NOS1AP: variants seen among roughly 807,000 people sequenced by gnomAD.
The protein encoded by NOS1AP is nitric oxide synthase 1 adaptor protein.
In NOS1AP, 21 loss-of-function variants were observed where a neutral mutation model predicts 56.2. That is an observed-to-expected ratio of 0.37 (90% CI 0.26 to 0.54). NOS1AP has a LOEUF of 0.54. Among genes scored for constraint, NOS1AP ranks in the 20% least tolerant of loss-of-function variants. The pLI, the probability that NOS1AP is intolerant of heterozygous loss-of-function variation, is 0.84. For missense variants in NOS1AP, 522 were observed against 657.8 expected, an observed-to-expected ratio of 0.79 and a Z score of 2.26; for synonymous variants, 270 against 274.6, an observed-to-expected ratio of 0.98 and a Z score of 0.17.
rs879114532 is a variant in NOS1AP at position 162,367,448 on chromosome 1, A to G, written c.1502A>G (p.Asp501Gly). The G allele has an allele frequency of 7.7e-6, 12 of 1,568,410 alleles. No individual in the cohort carries two copies. The highest frequency in any genetic ancestry group is 9.5e-6 in the Non-Finnish European group (11 of 1,153,476). The change falls in exon 10 of 10, where the codon GAT (aspartate) becomes GGT (glycine). Residue 501 changes from aspartate to glycine, a missense_variant. Around this residue, in one of 4 missense-constraint regions of NOS1AP, gnomAD observed 160 missense variants for 180.3 expected, o/e 0.89. Transcript: ENST00000361897. This position sits in a 1 kb window ranked among gnomAD's most constrained non-coding sequence, Gnocchi z 6.5. ...AGGCAGGAACTGGGCGACGGCCTGG[A>G]TGATGAGATCGCCGTGTAGGTGCCG... is the stretch of plus-strand genomic sequence containing the variant. Reference protein sequence around the residue: ...LQRQELGDGLDDEIAV With the variant: ...LQRQELGDGLGDEIAV
At chr1:162,141,387 G>A (rs1339574148) in intron 1 of NOS1AP, among the ~76,000 whole-genome samples, 2 of 152,206 alleles carry the variant, frequency 1.3e-5, no homozygotes, top group Admixed American at 6.5e-5. Context: ...GGATACCTGG[G>A]TCATAGCCTC....
intron 2 of NOS1AP, among the ~76,000 whole-genome samples, chr1:162,265,839 A>G (rs1025152217): frequency 2.0e-5 from 3 of 152,202 alleles, no homozygotes; most frequent in African/African-American, 7.2e-5. Context: ...CTTACACAAG[A>G]TAGAAGTTTC....
At chr1:162,353,296 T>C (rs961048322) in intron 6 of NOS1AP, among the ~76,000 whole-genome samples, 4 of 152,184 alleles carry the variant, frequency 2.6e-5, no homozygotes, top group African/African-American at 9.7e-5. Flanking sequence ...GTCAGGTCCC[T>C]CCCTACGGGA....
At chr1:162,275,239 G>C (rs1405733079) in intron 2 of NOS1AP, among the ~76,000 whole-genome samples, 1 of 152,116 alleles carries the variant, frequency 6.6e-6, no homozygotes, top group Non-Finnish European at 1.5e-5. Context: ...GAGTGCAGTT[G>C]TACGATCTTG....
chr1:162,300,163 GC>G (rs1655597179), intron 3 of NOS1AP, among the ~76,000 whole-genome samples: 1 of 152,046 alleles, frequency 6.6e-6, no homozygotes, highest in Non-Finnish European at 1.5e-5. Context: ...GACCCTAATG[GC>G]CCCCCACACT....
At chr1:162,252,498 A>T (rs1653897559) in intron 2 of NOS1AP, among the ~76,000 whole-genome samples, 1 of 152,220 alleles carries the variant, frequency 6.6e-6, no homozygotes, top group Non-Finnish European at 1.5e-5. Context: ...CATGCAGTAG[A>T]AATTCAGGCT....
intron 1 of NOS1AP, among the ~76,000 whole-genome samples, chr1:162,072,714 C>T (rs1053991091): frequency 1.3e-5 from 2 of 152,184 alleles, no homozygotes; most frequent in Non-Finnish European, 2.9e-5. Flanking sequence ...CCATGTTAGT[C>T]AAGACCTAAG....
intron 2 of NOS1AP, among the ~76,000 whole-genome samples, chr1:162,221,434 TAC>T (rs753652907): frequency 2.0e-5 from 3 of 152,082 alleles, no homozygotes; most frequent in African/African-American, 4.8e-5. Context: ...GTTTAGAAGT[TAC>T]AGTCATTCTC....
chr1:162,084,161 T>C (rs1691955116), intron 1 of NOS1AP, among the ~76,000 whole-genome samples: 1 of 152,236 alleles, frequency 6.6e-6, no homozygotes, highest in Non-Finnish European at 1.5e-5. Flanking sequence ...TTATCTGTCA[T>C]CTTCGCGTTG....
chr1:162,164,672 C>T (rs1319604010), intron 2 of NOS1AP, among the ~76,000 whole-genome samples: 3 of 152,200 alleles, frequency 2.0e-5, no homozygotes, highest in African/African-American at 7.2e-5. Context: ...TACATGCATG[C>T]TGTGGCATGT....
intron 3 of NOS1AP, 141 bp from the exon 4 acceptor site, chr1:162,300,492 G>A (rs1227170915): frequency 7.9e-6 from 6 of 761,406 alleles, no homozygotes; most frequent in East Asian, 2.6e-5. Flanking sequence ...TGCACTCGTC[G>A]TTTTGGAGCA....
chr1:162,287,251 G>A lies in NOS1AP; in HGVS notation c.178-93G>A. 7 of 873,962 alleles carry A rather than the reference G, an allele frequency of 8.0e-6. No homozygotes were observed. In the Admixed American group the frequency reaches 1.1e-4, roughly 13 times the overall value. The allele number at this position is 873,962 out of a possible 1,614,324, so 54.1% of individuals were successfully genotyped here. ...GGAGCTATTCCCCACACCTGTCTGG[G>A]GACCTTTTTTCCAGGCATGGGCTAG... On this transcript the variant is annotated intron_variant, in intron 2 of 9. Coordinates refer to ENST00000361897, the MANE Select transcript of NOS1AP (RefSeq NM_014697.3).
chr1:162,209,055 T>A (rs528682549), intron 2 of NOS1AP, among the ~76,000 whole-genome samples: 4 of 152,362 alleles, frequency 2.6e-5, no homozygotes, highest in African/African-American at 9.6e-5. Context: ...TCTGCAACCC[T>A]TTTTCAGATT....
At chr1:162,081,778 T>A (rs866732436) in intron 1 of NOS1AP, among the ~76,000 whole-genome samples, 2 of 37,198 alleles carry the variant, frequency 5.4e-5, no homozygotes, top group Middle Eastern at 0.012. Context: ...ATATATATTT[T>A]TTTTTTGTAG....
intron 1 of NOS1AP, among the ~76,000 whole-genome samples, chr1:162,101,244 TGTAA>T (rs1647248628): frequency 6.6e-6 from 1 of 152,218 alleles, no homozygotes; most frequent in Admixed American, 6.5e-5. Context: ...ATCAGATGGT[TGTAA>T]GTGTGTGGTC....
chr1:162,345,344 C>A (rs1657256949), intron 6 of NOS1AP, among the ~76,000 whole-genome samples: 1 of 131,290 alleles, frequency 7.6e-6, no homozygotes, highest in Non-Finnish European at 1.5e-5. Flanking sequence ...GTGTGATGTT[C>A]CCCTTCCTGT....
chr1:162,122,466 T>TA (rs1648278864), intron 1 of NOS1AP, among the ~76,000 whole-genome samples: 2 of 151,324 alleles, frequency 1.3e-5, no homozygotes, highest in Non-Finnish European at 2.9e-5. Context: ...ATGAAAAAAT[T>TA]AAAAAATATA....
chr1:162,118,620 T>TA (rs1448472046), intron 1 of NOS1AP, among the ~76,000 whole-genome samples: 1 of 152,138 alleles, frequency 6.6e-6, no homozygotes, highest in Non-Finnish European at 1.5e-5. Context: ...AACTTTTCAT[T>TA]AAAAAACCCC....
intron 1 of NOS1AP, among the ~76,000 whole-genome samples, chr1:162,089,503 G>GTAA (rs1323654791): frequency 6.6e-6 from 1 of 152,182 alleles, no homozygotes; most frequent in African/African-American, 2.4e-5. Context: ...GATACTCTGA[G>GTAA]TAATGGTCCC....
Sources: allele counts gnomAD v4.1 joint callset (sites outside exome capture counted in the v4.1 genomes callset), GRCh38; gene constraint gnomAD v4.1.1; regional missense constraint gnomAD v4.1.1; non-coding constraint Gnocchi (gnomAD v3.1); transcripts MANE v1.5; gene names NCBI Gene and HGNC (gene_info 2026-07-23, HGNC 2026-07-21).